The following GREB1 variants were observed in gnomAD, a reference collection of about 807,000 sequenced individuals.
The protein encoded by GREB1 is protein GREB1.
A neutral mutation model predicts 200.7 loss-of-function variants in GREB1; 106 were observed. The ratio of observed to expected loss-of-function variants is 0.53; its 90% CI spans 0.45 to 0.62. The LOEUF is 0.62. GREB1 is among the 20% of genes least tolerant of loss of function. GREB1 has a pLI of 0.00. For missense variants in GREB1, 2,243 were observed against 2,556.8 expected, an observed-to-expected ratio of 0.88 and a Z score of 2.65; for synonymous variants, 1,132 against 1,092.4, an observed-to-expected ratio of 1.04 and a Z score of -0.72.
At chr2:11,555,448 G>A (rs78093388) in intron 1 of GREB1, among the ~76,000 whole-genome samples, 2,196 of 152,280 alleles carry the variant, frequency 0.014, 54 homozygotes, top group African/African-American at 0.049. Flanking sequence ...ATAAAAATGT[G>A]TATTATAGTA....
chr2:11,510,163 G>A (rs1673309886), intron 1 of GREB1, among the ~76,000 whole-genome samples: 1 of 152,146 alleles, frequency 6.6e-6, no homozygotes, highest in Admixed American at 6.5e-5. Flanking sequence ...TGTTTAATGT[G>A]TATCTTTGTC....
chr2:11,530,472 GC>G (rs1215669288), upstream of GREB1, among the ~76,000 whole-genome samples: 1 of 151,284 alleles, frequency 6.6e-6, no homozygotes, highest in East Asian at 1.9e-4. Context: ...GGAGGCTGAG[GC>G]AGGGGAATCG....
Position 11,544,321 on chromosome 2 carries a change from A to G in GREB1, c.-162+10067A>G, listed in dbSNP as rs149502501. Among the ~76,000 whole-genome samples the G allele has an allele frequency of 8.7e-3, 1,318 of 152,112 alleles. 11 individuals are homozygous for G. The highest frequency in any genetic ancestry group is 0.017 in the South Asian group (81 of 4,806). On this transcript the variant is annotated intron_variant, in intron 1 of 32. Transcript: ENST00000381486. ...AAGCTCCGCCTCCCAGGTTCACGCC[A>G]TTCTCCTGCCTCAGTATACCGAGTA...
At chr2:11,638,572 G>T (rs1403983125) in intron 31 of GREB1, 99 bp from the exon 32 acceptor site, 5 of 1,006,952 alleles carry the variant, frequency 5.0e-6, no homozygotes, top group Non-Finnish European at 7.4e-6. Context: ...TCTTGAGCTG[G>T]ACCAAGCAGT....
Position 11,640,384 on chromosome 2 carries a change from G to A in GREB1, c.5780G>A (p.Arg1927His), listed in dbSNP as rs376907059. The A allele has an allele frequency of 3.1e-6, 5 of 1,614,088 alleles. No individual in the cohort carries two copies. Among genetic ancestry groups the A allele is most frequent in the South Asian group, 1.1e-5 (1 of 91,092 alleles). Residue 1927 changes from arginine (R) to histidine (H), a missense_variant, in exon 33 of 33, where the codon CGC becomes CAC. Arg to His is a conservative substitution (Grantham distance 29). Around this residue, in one of 3 missense-constraint regions of GREB1, gnomAD observed 478 missense variants for 616.3 expected, o/e 0.78. Transcript: ENST00000381486. The surrounding 1 kb of genome is among the most constrained non-coding windows in gnomAD (Gnocchi z 4.6). ...ELEDEWQFRL[R>H]DEFQTANARE... is the part of the protein sequence containing the mutation. ...GAGGACGAGTGGCAGTTCCGGCTGCGCGATGAGTTCCAGACCGCCAATGCC... is the reference window on the plus strand; with the variant it reads ...GAGGACGAGTGGCAGTTCCGGCTGCACGATGAGTTCCAGACCGCCAATGCC...
chr2:11,595,166 GA>G, intron 11 of GREB1, 84 bp from the exon 12 acceptor site: 2 of 1,245,672 alleles, frequency 1.6e-6, no homozygotes, highest in South Asian at 2.8e-5. Context: ...GTCAAGTCTA[GA>G]AGGGTTAAGG....
At chr2:11,601,069 G>C (rs1187919277) in intron 16 of GREB1, 74 bp downstream of exon 16, 2 of 1,205,464 alleles carry the variant, frequency 1.7e-6, no homozygotes, top group African/African-American at 3.0e-5. Context: ...TTTAGTAACA[G>C]CCTTGACCAG....
chr2:11,595,548 T>A (rs974855227), intron 12 of GREB1, among the ~76,000 whole-genome samples, 169 bp downstream of exon 12: 9 of 152,192 alleles, frequency 5.9e-5, no homozygotes, highest in Non-Finnish European at 1.0e-4. Flanking sequence ...TTTTCTTGAG[T>A]GACAGCTGCG....
At chr2:11,564,346 T>C (rs1366598963) in intron 3 of GREB1, among the ~76,000 whole-genome samples, 1 of 151,690 alleles carries the variant, frequency 6.6e-6, no homozygotes, top group Non-Finnish European at 1.5e-5. Context: ...GGACTTATAG[T>C]GTCCAAATAT....
At chr2:11,598,602 G>C in intron 14 of GREB1, 78 bp from the exon 15 acceptor site, 3 of 1,292,184 alleles carry the variant, frequency 2.3e-6, no homozygotes, top group Non-Finnish European at 3.3e-6. Context: ...TGTAGGAGTC[G>C]CTCCTCAGGT....
At chr2:11,510,653 T>G (rs1183178372) in intron 1 of GREB1, among the ~76,000 whole-genome samples, 1 of 151,608 alleles carries the variant, frequency 6.6e-6, no homozygotes, top group Non-Finnish European at 1.5e-5. Flanking sequence ...CCAGTGTTAG[T>G]TTCTTTTTCT....
At chr2:11,616,854 T>C (rs767180086) in intron 21 of GREB1, 134 bp downstream of exon 21, 16 of 654,268 alleles carry the variant, frequency 2.4e-5, no homozygotes, top group Non-Finnish European at 4.1e-5. Context: ...AGGAAATCTT[T>C]GAAGTGCTAG....
rs1367820851 is a variant in GREB1 at position 11,567,030 on chromosome 2, G to A, written c.454+374G>A. ...CCGAGTGTGTTGCTGCTTCCAGAAT[G>A]TTCTGTCCTGAAGGACTGCCAGGCA... On this transcript the variant is annotated intron_variant, in intron 4 of 32. Coordinates refer to ENST00000381486, the MANE Select transcript of GREB1 (RefSeq NM_014668.4). Among the ~76,000 whole-genome samples, 9 of 152,278 alleles carry A rather than the reference G, an allele frequency of 5.9e-5. No homozygotes were observed. The East Asian group carries it at 1.7e-3, about 29-fold the overall frequency.
rs968445005 is a variant in GREB1 at position 11,642,697 on chromosome 2, C to T, written c.*2243C>T. 1 of 151,970 alleles carries T rather than the reference C, an allele frequency of 6.6e-6. No homozygotes were observed. Among genetic ancestry groups the T allele is most frequent in the Non-Finnish European group, 1.5e-5 (1 of 68,004 alleles). The allele number at this position is 151,970 out of a possible 1,614,324, so 9.4% of individuals were successfully genotyped here. On this transcript the variant is annotated 3_prime_UTR_variant, in exon 33 of 33. Transcript: ENST00000381486. ...AAATAGCAGCTTTTGTGTCATTCTC[C>T]CCACTTTATTAGTTAATTTAAATTG... is the stretch of plus-strand genomic sequence containing the variant.
At chr2:11,603,222 G>A (rs1009544930) in intron 17 of GREB1, among the ~76,000 whole-genome samples, 3 of 152,152 alleles carry the variant, frequency 2.0e-5, no homozygotes, top group African/African-American at 4.8e-5. Context: ...GTTTATTCGT[G>A]GTAAAGCCAG....
In GREB1 at chr2:11,582,591, A is replaced by G. The variant is rs1035785848; in HGVS notation, c.901+1759A>G. Among the ~76,000 whole-genome samples, 5 of 152,334 alleles carry G rather than the reference A, an allele frequency of 3.3e-5. No homozygotes were observed. The East Asian group carries it at 9.7e-4, about 30-fold the overall frequency. On this transcript the variant is annotated intron_variant, in intron 7 of 32. Transcript: ENST00000381486. Reference sequence around the variant, plus strand: ...CGGGGCTCCCAGCCGTCCCAGGCTCAGTCCCGCAGCCACATGTGGCCATCG... The same window carrying G: ...CGGGGCTCCCAGCCGTCCCAGGCTCGGTCCCGCAGCCACATGTGGCCATCG...
Position 11,492,794 on chromosome 2 carries a change from GC to G in GREB1, c.-159+10415del, listed in dbSNP as rs1012587124. On this transcript the variant is annotated intron_variant, in intron 1 of 2. Transcript: ENST00000628795. The surrounding 1 kb of genome is among the most constrained non-coding windows in gnomAD (Gnocchi z 4.0). Reference sequence around the variant, plus strand: ...CTGCAATGAGAAGGTGACCCCTAGTGCCTGTGGGGCCAGCAAGAGTCTCCAA... The same window carrying G: ...CTGCAATGAGAAGGTGACCCCTAGTGCTGTGGGGCCAGCAAGAGTCTCCAA... 6.6e-6 allele frequency among the ~76,000 whole-genome samples: 1 copy of G among 152,236 alleles called. No homozygotes were observed. Among genetic ancestry groups the G allele is most frequent in the African/African-American group, 2.4e-5 (1 of 41,470 alleles).
intron 1 of GREB1, among the ~76,000 whole-genome samples, chr2:11,497,838 T>C (rs1005236262): frequency 1.3e-5 from 2 of 152,140 alleles, no homozygotes; most frequent in Non-Finnish European, 2.9e-5. Flanking sequence ...TGTTATACTA[T>C]TGAGTGTTGA....
chr2:11,603,272 A>G (rs1394125932), intron 17 of GREB1, among the ~76,000 whole-genome samples: 1 of 152,230 alleles, frequency 6.6e-6, no homozygotes, highest in Non-Finnish European at 1.5e-5. Context: ...GCAAAATGCC[A>G]CTGAACAAAA....
Sources: gnomAD v4.1 joint callset for allele counts (sites outside exome capture counted in the v4.1 genomes callset) on GRCh38, gnomAD v4.1.1 for gene constraint, gnomAD v4.1.1 regional missense constraint, Gnocchi (gnomAD v3.1) non-coding constraint, MANE v1.5 for transcripts, NCBI Gene and HGNC (gene_info 2026-07-23, HGNC 2026-07-21) for gene names.